JADE3: variants seen among roughly 807,000 people sequenced by gnomAD.
JADE3 encodes the protein jade family PHD finger 3.
A neutral mutation model predicts 50.1 loss-of-function variants in JADE3; 2 were observed. The ratio of observed to expected loss-of-function variants is 0.04; its 90% CI spans 0.02 to 0.13. JADE3 has a LOEUF of 0.13. Among genes scored for constraint, JADE3 ranks in the 10% least tolerant of loss-of-function variants. The pLI is 1.00. For synonymous variants in JADE3, 218 were observed against 232.9 expected (o/e 0.94, Z 0.58); for missense variants, 475 against 634.4 (o/e 0.75, Z 2.70).
At position 47,024,750 on chromosome X, in the gene JADE3, T is replaced by C; in HGVS notation, c.311T>C (p.Val104Ala). The change falls in exon 5 of 11, where the codon GTT (valine) becomes GCT (alanine). Residue 104 changes from valine (V) to alanine (A), a missense_variant. By Grantham distance (64) the Val-to-Ala change is moderately conservative. Transcript: ENST00000614628. ...LRIIAEKVKD[V>A]LFIRPRKYIH... is the part of the protein sequence containing the mutation. Reference sequence around the variant, plus strand: ...ATTATAGCTGAGAAGGTAAAGGACGTTCTGTTTATCCGACCCCGGAAGTAT... The same window carrying C: ...ATTATAGCTGAGAAGGTAAAGGACGCTCTGTTTATCCGACCCCGGAAGTAT... 8.4e-7 allele frequency: 1 copy of C among 1,194,434 alleles called. No individual in the cohort carries two copies. Among genetic ancestry groups the C allele is most frequent in the Non-Finnish European group, 1.1e-6 (1 of 883,055 alleles).
chrX:46,987,402 A>G (rs1283275569), intron 3 of JADE3, among the ~76,000 whole-genome samples: 4 of 112,007 alleles, frequency 3.6e-5, no homozygotes, highest in African/African-American at 1.3e-4. Flanking sequence ...CAAAGGAATG[A>G]CATCCCATCA....
At chrX:46,972,098 A>G (rs1188035930) in intron 1 of JADE3, among the ~76,000 whole-genome samples, 1 of 112,521 alleles carries the variant, frequency 8.9e-6, no homozygotes, top group Non-Finnish European at 1.9e-5. Context: ...ACAAGCATAC[A>G]GAATGGTTTT....
rs782146002 is a variant in JADE3 at position 47,059,013 on chromosome X, C to G, written c.2408C>G (p.Ser803Cys). Residue 803 changes from serine to cysteine, a missense_variant, in exon 11 of 11, where the codon TCT becomes TGT. By Grantham distance (112) the Ser-to-Cys change is moderately radical. Around this residue, in one of 6 missense-constraint regions of JADE3, gnomAD observed 243 missense variants for 238.2 expected, o/e 1.02. Transcript: ENST00000614628. ...SSDRENPPHDSRRDCHGKSKT... is the reference protein window; with the variant it reads ...SSDRENPPHDCRRDCHGKSKT... The stretch of plus-strand genomic sequence containing the variant: ...GACAGGGAAAATCCTCCCCATGACT[C>G]TAGACGGGATTGCCATGGTAAAAGC... 1 of 1,208,615 alleles carries G rather than the reference C, an allele frequency of 8.3e-7. No individual in the cohort carries two copies. Among genetic ancestry groups the G allele is most frequent in the South Asian group, 1.8e-5 (1 of 56,799 alleles).
intron 8 of JADE3, among the ~76,000 whole-genome samples, chrX:47,043,712 G>A (rs1032587564): frequency 1.7e-4 from 19 of 109,199 alleles, no homozygotes; most frequent in Non-Finnish European, 2.7e-4. Context: ...CCAGCTACCC[G>A]GGAGGCTGAG....
chrX:47,023,830 C>T (rs1342913134), intron 4 of JADE3, among the ~76,000 whole-genome samples: 5 of 112,146 alleles, frequency 4.5e-5, no homozygotes, highest in African/African-American at 9.7e-5. Flanking sequence ...CACTTGAACC[C>T]GGGAGGCGGA....
At chrX:47,035,253 A>G (rs1218186304) in intron 7 of JADE3, among the ~76,000 whole-genome samples, 2 of 111,357 alleles carry the variant, frequency 1.8e-5, no homozygotes, top group African/African-American at 3.3e-5. Flanking sequence ...TCAGTAACTC[A>G]TTCTCCTTTA....
chrX:46,999,944 T>C (rs910433959), intron 4 of JADE3, among the ~76,000 whole-genome samples: 3 of 111,641 alleles, frequency 2.7e-5, no homozygotes, highest in Admixed American at 1.9e-4. Flanking sequence ...ATTGCAGATC[T>C]TATTGTACAC....
chrX:47,030,317 C>T (rs1397182735), intron 6 of JADE3, among the ~76,000 whole-genome samples: 2 of 111,338 alleles, frequency 1.8e-5, no homozygotes, highest in East Asian at 5.6e-4. Flanking sequence ...GTCTTAAAAA[C>T]GATTCCGGTA....
At chrX:47,044,177 G>C (rs1929326212) in intron 8 of JADE3, among the ~76,000 whole-genome samples, 2 of 111,388 alleles carry the variant, frequency 1.8e-5, no homozygotes, top group South Asian at 7.5e-4. Flanking sequence ...AGTACAAGAA[G>C]ATTATAAAAC....
intron 4 of JADE3, among the ~76,000 whole-genome samples, chrX:47,006,459 G>GTTTTT (rs61687892): frequency 5.3e-4 from 41 of 76,665 alleles, no homozygotes; most frequent in Non-Finnish European, 1.0e-3. Flanking sequence ...AATTTTTGTA[G>GTTTTT]TTTTTTTTTT....
chrX:46,925,595 G>T (rs1194442119), intron 1 of JADE3, among the ~76,000 whole-genome samples: 1 of 111,522 alleles, frequency 9.0e-6, no homozygotes, highest in Non-Finnish European at 1.9e-5. Context: ...GCTGAGGCAG[G>T]GGGATCATGA....
chrX:46,994,862 A>G (rs1928089757), intron 3 of JADE3, among the ~76,000 whole-genome samples: 1 of 111,485 alleles, frequency 9.0e-6, no homozygotes, highest in Non-Finnish European at 1.9e-5. Context: ...AGTCCTTTAT[A>G]CAAGTTCACC....
At chrX:46,927,263 A>G (rs952460322) in intron 1 of JADE3, among the ~76,000 whole-genome samples, 10 of 112,596 alleles carry the variant, frequency 8.9e-5, no homozygotes, top group African/African-American at 2.3e-4. Context: ...TGAGCAATGT[A>G]TGACATACTG....
chrX:47,012,766 C>G (rs191994012), intron 4 of JADE3, among the ~76,000 whole-genome samples: 2 of 110,084 alleles, frequency 1.8e-5, no homozygotes, highest in African/African-American at 6.6e-5. Flanking sequence ...ACATTTAGGT[C>G]TTTGATCCAT....
At position 47,058,325 on chromosome X, in the gene JADE3, C is replaced by T. The variant is rs149554867; in HGVS notation, c.1720C>T (p.His574Tyr). 323 of 1,208,832 alleles carry T rather than the reference C, an allele frequency of 2.7e-4. No homozygotes were observed. The highest frequency in any genetic ancestry group is 3.6e-4 in the Non-Finnish European group (320 of 894,945). ...PHSPDSSSSV[H>Y]SIRNMQVPQE... Reference sequence around the variant, plus strand: ...CTCTCCTGACAGCAGCTCATCTGTTCACAGTATAAGGAACATGCAGGTGCC... The same window carrying T: ...CTCTCCTGACAGCAGCTCATCTGTTTACAGTATAAGGAACATGCAGGTGCC... Residue 574 changes from histidine (H) to tyrosine (Y), a missense_variant, in exon 11 of 11, where the codon CAC becomes TAC. This residue lies in a region of JADE3 where 243 missense variants were observed against 238.2 expected (regional missense o/e 1.02). Transcript: ENST00000614628.
At chrX:46,965,703 G>C (rs782131557) in intron 1 of JADE3, among the ~76,000 whole-genome samples, 16 of 111,724 alleles carry the variant, frequency 1.4e-4, no homozygotes, top group Non-Finnish European at 3.0e-4. Flanking sequence ...GAGAAGGGAT[G>C]GTATAAAGCC....
chrX:47,041,971 T>G (rs1394574947), intron 8 of JADE3, among the ~76,000 whole-genome samples: 1 of 111,178 alleles, frequency 9.0e-6, no homozygotes, highest in Non-Finnish European at 1.9e-5. Flanking sequence ...CACCTGGCCT[T>G]TTTTTTTCTT....
intron 1 of JADE3, among the ~76,000 whole-genome samples, chrX:46,936,390 A>G (rs1479782776): frequency 9.0e-6 from 1 of 111,411 alleles, no homozygotes; most frequent in East Asian, 2.8e-4. Flanking sequence ...AGATTTGCTA[A>G]TATTTTGTTG....
rs1244872325 is a variant in JADE3, at chrX:47,061,231, TG to T, written c.*2155del. 1 of 112,182 alleles carries T rather than the reference TG, an allele frequency of 8.9e-6. No individual in the cohort carries two copies. Among genetic ancestry groups the T allele is most frequent in the Non-Finnish European group, 1.9e-5 (1 of 53,225 alleles). 9.2% of individuals were successfully genotyped at this position (112,182 alleles called of 1,213,427 possible). ...TTACCAATACTTTTTCATTAAATTA[TG>T]AAAACTGCTACCTACTGTCAGTGTG... On this transcript the variant is annotated 3_prime_UTR_variant, in exon 11 of 11. Transcript: ENST00000614628.
Sources: allele counts gnomAD v4.1 joint callset (sites outside exome capture counted in the v4.1 genomes callset), GRCh38; gene constraint gnomAD v4.1.1; regional missense constraint gnomAD v4.1.1; transcripts MANE v1.5; gene names NCBI Gene and HGNC (gene_info 2026-07-23, HGNC 2026-07-21).